CPT1A: variants seen among roughly 807,000 people sequenced by gnomAD.
The protein encoded by CPT1A is carnitine O-palmitoyltransferase 1, liver isoform.
CPT1A carries 64 observed loss-of-function variants against 100.8 expected under a neutral mutation model. The ratio of observed to expected loss-of-function variants is 0.63; its 90% confidence interval spans 0.52 to 0.78. The LOEUF is 0.78. Among genes scored for constraint, CPT1A ranks in the 30% least tolerant of loss-of-function variants. The probability of loss-of-function intolerance (pLI) is 0.00; values close to 1 mark genes in which losing one functional copy is unlikely to be tolerated. For synonymous variants in CPT1A, 363 were observed against 396.0 expected, an observed-to-expected ratio of 0.92 and a Z score of 0.99; for missense variants, 802 against 1,034.1, an observed-to-expected ratio of 0.78 and a Z score of 3.08.
intron 1 of CPT1A, among the ~76,000 whole-genome samples, chr11:68,817,063 G>A (rs12283787): frequency 1.0e-5 from 1 of 97,976 alleles, no homozygotes; most frequent in Non-Finnish European, 1.8e-5. Context: ...GTGGGGGGTG[G>A]GTGTGTGTGG....
At chr11:68,787,105 C>T (rs1594339398) in intron 9 of CPT1A, among the ~76,000 whole-genome samples, 1 of 152,104 alleles carries the variant, frequency 6.6e-6, no homozygotes, top group South Asian at 2.1e-4. Flanking sequence ...TGTGGAAAAT[C>T]CAAGAAAACC....
At chr11:68,769,953 G>A (rs1376358779) in intron 14 of CPT1A, among the ~76,000 whole-genome samples, 1 of 151,986 alleles carries the variant, frequency 6.6e-6, no homozygotes, top group Non-Finnish European at 1.5e-5. Context: ...AGGGGCTGAG[G>A]CAGGAGAATC....
chr11:68,762,026 C>G (rs540904801), intron 15 of CPT1A, among the ~76,000 whole-genome samples: 1 of 152,330 alleles, frequency 6.6e-6, no homozygotes, highest in Non-Finnish European at 1.5e-5. Context: ...AGCACCTGCA[C>G]GCTGGAGTCA....
rs187351004 is a variant in CPT1A, at chr11:68,797,696, G to A, written c.694-763C>T. On this transcript the variant is annotated intron_variant, in intron 6 of 18. Coordinates refer to ENST00000265641, the MANE Select transcript of CPT1A (RefSeq NM_001876.4). ...TCAAATAAAAGAAAACAGAAACAAA[G>A]GCCAGGAGCGGTGGCTCACGCCTGT... Among the ~76,000 whole-genome samples the A allele has an allele frequency of 2.2e-3, 342 of 152,056 alleles. 2 individuals are homozygous for A. The highest frequency in any genetic ancestry group is 6.7e-3 in the African/African-American group (280 of 41,492).
chr11:68,832,512 C>T (rs1241460711), intron 1 of CPT1A, among the ~76,000 whole-genome samples: 2 of 152,112 alleles, frequency 1.3e-5, no homozygotes, highest in Non-Finnish European at 2.9e-5. Flanking sequence ...AACTTATACT[C>T]TTAACTCCCA....
chr11:68,759,477 A>AC lies in CPT1A; in HGVS notation c.2235+91dup, dbSNP rs375073218. On this transcript the variant is annotated intron_variant, in intron 18 of 18. Coordinates refer to ENST00000265641, the MANE Select transcript of CPT1A (RefSeq NM_001876.4). ...CAAGTAAAAGCAGGCAGTTGAATTGACTTTTTCTGTCAAATTAAAGATGTG... is the reference window on the plus strand; with the variant it reads ...CAAGTAAAAGCAGGCAGTTGAATTGACCTTTTTCTGTCAAATTAAAGATGTG... 314 of 874,552 alleles carry AC rather than the reference A, an allele frequency of 3.6e-4. No homozygotes were observed. The African/African-American group carries it at 3.9e-3, about 11-fold the overall frequency. 54.2% of individuals were successfully genotyped at this position (874,552 alleles called of 1,614,324 possible). A position where few individuals can be genotyped will look rare whatever the true frequency, so the allele number is the denominator to read the frequency against.
chr11:68,820,389 T>C (rs756672594), intron 1 of CPT1A, among the ~76,000 whole-genome samples: 29 of 152,078 alleles, frequency 1.9e-4, no homozygotes, highest in Admixed American at 4.6e-4. Flanking sequence ...AAATATTAAA[T>C]GGAAAACTCC....
chr11:68,784,979 GT>G lies in CPT1A; in HGVS notation c.998del (p.His333ProfsTer22), dbSNP rs1351674228. ...AGCGTCCTCGATGGTACACGACGAT[GT>G]GCTTGCTGTCTCTCATGTGCTGGAT... is the stretch of plus-strand genomic sequence containing the variant. Reference protein sequence around the residue: ...DTIQHMRDSKHIVVYHRGRYF... With the variant: ...DTIQHMRDSKXIVVYHRGRYF... On this transcript the variant is annotated frameshift_variant, in exon 10 of 19. Coordinates refer to ENST00000265641, the MANE Select transcript of CPT1A (RefSeq NM_001876.4). LOFTEE classifies it high-confidence loss of function. The G allele has an allele frequency of 6.2e-7, 1 of 1,614,006 alleles. No individual in the cohort carries two copies. Among genetic ancestry groups the G allele is most frequent in the South Asian group, 1.1e-5 (1 of 91,082 alleles).
chr11:68,811,405 G>C (rs1416457845), intron 3 of CPT1A, among the ~76,000 whole-genome samples: 1 of 152,208 alleles, frequency 6.6e-6, no homozygotes, highest in Non-Finnish European at 1.5e-5. Flanking sequence ...TTTCAGACCC[G>C]AAAGTAAAAT....
In CPT1A at chr11:68,775,430, G is replaced by C; in HGVS notation, c.1461C>G (p.Tyr487Ter). Reference sequence around the variant, plus strand: ...GCTGGAGGCTGTCAATGGACATGACGTACTGTCAAAAATAGAACAAAATTA... The same window carrying C: ...GCTGGAGGCTGTCAATGGACATGACCTACTGTCAAAAATAGAACAAAATTA... Reference protein sequence around the residue: ...DAPIVAHLWEYVMSIDSLQLG... With the variant: ...DAPIVAHLWE Residue 487 changes from tyrosine (Y) to a stop codon, truncating the protein, a stop_gained and splice_region_variant, in exon 13 of 19, where the codon TAC becomes TAG. Coordinates refer to ENST00000265641, the MANE Select transcript of CPT1A (RefSeq NM_001876.4). LOFTEE classifies it high-confidence loss of function. 2 of 1,610,674 alleles carry C rather than the reference G, an allele frequency of 1.2e-6. No homozygotes were observed. Among genetic ancestry groups the C allele is most frequent in the Non-Finnish European group, 1.7e-6 (2 of 1,176,820 alleles).
intron 14 of CPT1A, among the ~76,000 whole-genome samples, chr11:68,768,225 G>C (rs11607771): frequency 0.043 from 6,528 of 150,508 alleles, 192 homozygotes; most frequent in Middle Eastern, 0.073. Flanking sequence ...ACAGGCGCCC[G>C]CCACCGCGCC....
intron 9 of CPT1A, 32 bp downstream of exon 9, chr11:68,793,283 T>C (rs767193503): frequency 6.5e-7 from 1 of 1,545,220 alleles, no homozygotes. Flanking sequence ...AAGTGCCGAT[T>C]CTCCAGGGGG....
chr11:68,830,173 G>A (rs1352692072), intron 1 of CPT1A, among the ~76,000 whole-genome samples: 2 of 152,114 alleles, frequency 1.3e-5, no homozygotes, highest in African/African-American at 4.8e-5. Context: ...AGCCATTCTG[G>A]GGGCTGAGGT....
chr11:68,802,469 C>T (rs1855929642), intron 5 of CPT1A, among the ~76,000 whole-genome samples: 2 of 150,466 alleles, frequency 1.3e-5, no homozygotes, highest in African/African-American at 4.9e-5. Context: ...TGGTGGCTCA[C>T]ACCTGTAATC....
chr11:68,829,342 C>T (rs1856822788), intron 1 of CPT1A, among the ~76,000 whole-genome samples: 1 of 152,210 alleles, frequency 6.6e-6, no homozygotes, highest in Non-Finnish European at 1.5e-5. Context: ...TCTGCAGCCC[C>T]TCTCCTTCTG....
chr11:68,780,626 G>A lies in CPT1A; in HGVS notation c.1458+14C>T. 6.2e-7 allele frequency: 1 copy of A among 1,609,934 alleles called. No homozygotes were observed. Among genetic ancestry groups the A allele is most frequent in the African/African-American group, 1.3e-5 (1 of 74,934 alleles). On this transcript the variant is annotated intron_variant, in intron 12 of 18. Coordinates refer to ENST00000265641, the MANE Select transcript of CPT1A (RefSeq NM_001876.4). ...AGCAACTTCCACATTCAAGTGAAAA[G>A]TGTGAAAACTCACCTCCCAAAGGTG... is the stretch of plus-strand genomic sequence containing the variant.
In CPT1A at chr11:68,815,475, C is replaced by T. The variant is rs1479601328; in HGVS notation, c.-1G>A. 1 of 1,614,120 alleles carries T rather than the reference C, an allele frequency of 6.2e-7. No homozygotes were observed. Among genetic ancestry groups the T allele is most frequent in the South Asian group, 1.1e-5 (1 of 91,082 alleles). On this transcript the variant is annotated 5_prime_UTR_variant, in exon 2 of 19. Transcript: ENST00000265641. ...CCACAGCTTGGTGAGCTTCTGCCAT[C>T]TTCAGAGAGTACCTGGAAGGAGAAG...
In CPT1A at chr11:68,755,428, T is replaced by C. The variant is rs937832490; in HGVS notation, c.*2216A>G. The C allele has an allele frequency of 2.6e-5, 4 of 155,098 alleles. No individual in the cohort carries two copies. The highest frequency in any genetic ancestry group is 5.8e-5 in the Non-Finnish European group (4 of 68,578). 9.6% of individuals were successfully genotyped at this position (155,098 alleles called of 1,614,324 possible). On this transcript the variant is annotated 3_prime_UTR_variant, in exon 19 of 19. Transcript: ENST00000265641. The stretch of plus-strand genomic sequence containing the variant: ...GTTGGTTTGTTTTTGCTTTTTTTTT[T>C]AGACGGAGTCTCGCTCTGTCGCCCA...
chr11:68,773,734 C>G, intron 13 of CPT1A: 1 of 377,728 alleles, frequency 2.6e-6, no homozygotes, highest in Non-Finnish European at 5.1e-6. Flanking sequence ...TGAACTGTCT[C>G]TCTAAAATAA....
Sources: allele counts gnomAD v4.1 joint callset (sites outside exome capture counted in the v4.1 genomes callset), GRCh38; gene constraint gnomAD v4.1.1; transcripts MANE v1.5; gene names NCBI Gene and HGNC (gene_info 2026-07-23, HGNC 2026-07-21).